The following RBFOX1 variants were observed in gnomAD, a reference collection of about 807,000 sequenced individuals.
RBFOX1 encodes RNA binding protein fox-1 homolog 1.
A neutral mutation model predicts 57.7 loss-of-function variants in RBFOX1; 8 were observed. The observed-to-expected ratio is 0.14, with a 90% CI of 0.08 to 0.25. The LOEUF is 0.25. RBFOX1 is among the 10% of genes least tolerant of loss of function. RBFOX1 has a pLI of 1.00. For missense variants in RBFOX1, 611 were observed against 548.5 expected (o/e 1.11, Z -1.14); for synonymous variants, 326 against 222.4 (o/e 1.47, Z -4.15).
intron 1 of RBFOX1, among the ~76,000 whole-genome samples, chr16:5,376,617 C>T (rs995244809): frequency 1.3e-5 from 2 of 152,092 alleles, no homozygotes; most frequent in African/African-American, 4.8e-5. Context: ...GGATGAGGAG[C>T]TCTAAGACGC....
chr16:6,736,145 A>G (rs142658982), intron 3 of RBFOX1, among the ~76,000 whole-genome samples: 421 of 152,252 alleles, frequency 2.8e-3, no homozygotes, highest in African/African-American at 9.4e-3. Context: ...TGTTGTTACC[A>G]TGGAAAACCA....
intron 4 of RBFOX1, among the ~76,000 whole-genome samples, chr16:7,080,059 T>G (rs190070708): frequency 0.012 from 1,578 of 135,236 alleles, 14 homozygotes; most frequent in Non-Finnish European, 0.018. Flanking sequence ...TATATACATA[T>G]TATATATATA....
Position 5,466,476 on chromosome 16 carries a change from C to T in RBFOX1, c.220-740C>T, listed in dbSNP as rs527440172. ...AGAGGGGGTATTTCAACTCCTGGGGCCCTGAAATCAGAGAGTACTCACAGA... is the reference window on the plus strand; with the variant it reads ...AGAGGGGGTATTTCAACTCCTGGGGTCCTGAAATCAGAGAGTACTCACAGA... On this transcript the variant is annotated intron_variant, in intron 1 of 2. Transcript: ENST00000585867. Among the ~76,000 whole-genome samples, 3 of 152,182 alleles carry T rather than the reference C, an allele frequency of 2.0e-5. No individual in the cohort carries two copies. In the East Asian group the frequency reaches 5.8e-4, roughly 29 times the overall value.
intron 1 of RBFOX1, among the ~76,000 whole-genome samples, chr16:6,210,545 T>C (rs1217793093): frequency 1.3e-5 from 2 of 151,466 alleles, no homozygotes; most frequent in East Asian, 3.9e-4. Flanking sequence ...GGCTGGGTAA[T>C]GTAGCGAGAC....
chr16:6,427,433 AT>A (rs1364519944), intron 2 of RBFOX1, among the ~76,000 whole-genome samples: 1 of 152,204 alleles, frequency 6.6e-6, no homozygotes, highest in Non-Finnish European at 1.5e-5. Context: ...GCATGGCCTC[AT>A]TTGGAATATT....
chr16:6,350,505 T>G (rs2152843890), intron 2 of RBFOX1, among the ~76,000 whole-genome samples: 1 of 132,028 alleles, frequency 7.6e-6, no homozygotes, highest in Non-Finnish European at 1.6e-5. Flanking sequence ...AAAAACAGTG[T>G]TCTCTAGAAT....
At chr16:6,538,561 A>G (rs966817951) in intron 2 of RBFOX1, among the ~76,000 whole-genome samples, 1 of 152,206 alleles carries the variant, frequency 6.6e-6, no homozygotes, top group Admixed American at 6.5e-5. Context: ...TAGGATGACA[A>G]GTAATAATAA....
chr16:5,746,014 A>G (rs897833256), intron 3 of RBFOX1, among the ~76,000 whole-genome samples: 6 of 152,180 alleles, frequency 3.9e-5, no homozygotes, highest in African/African-American at 1.4e-4. Context: ...GTCCTTGCCC[A>G]TGCCTGTGTC....
At chr16:6,719,731 C>T (rs1210987199) in intron 3 of RBFOX1, among the ~76,000 whole-genome samples, 1 of 151,984 alleles carries the variant, frequency 6.6e-6, no homozygotes, top group Non-Finnish European at 1.5e-5. Flanking sequence ...CAGGCGTGAG[C>T]CACCGCACTT....
chr16:6,515,462 C>T (rs2096357172), intron 2 of RBFOX1, among the ~76,000 whole-genome samples: 3 of 152,198 alleles, frequency 2.0e-5, no homozygotes, highest in Admixed American at 6.5e-5. Flanking sequence ...GAATCTAAGA[C>T]ATAACTAATA....
chr16:6,955,080 A>AG (rs1555675158), intron 3 of RBFOX1, among the ~76,000 whole-genome samples: 1 of 114,028 alleles, frequency 8.8e-6, no homozygotes, highest in African/African-American at 2.8e-5. Flanking sequence ...AAAAAAAAAA[A>AG]CACACAAAAA....
chr16:7,267,522 T>C (rs1477129314), intron 4 of RBFOX1, among the ~76,000 whole-genome samples: 1 of 151,704 alleles, frequency 6.6e-6, no homozygotes, highest in Non-Finnish European at 1.5e-5. Context: ...GGCAACAGAG[T>C]GAGACTCTAT....
In RBFOX1 at chr16:5,699,285, T is replaced by A. The variant is rs542488924; in HGVS notation, c.318+100324T>A. ...TTTCTATGCAGTTATATCACCTCAG[T>A]CTTTTAAAAAGTAAATTGAAGTATT... On this transcript the variant is annotated intron_variant, in intron 3 of 19. Coordinates refer to the RBFOX1 transcript ENST00000641259. 3.9e-5 allele frequency among the ~76,000 whole-genome samples: 6 copies of A among 152,184 alleles called. No individual in the cohort carries two copies. The South Asian group carries it at 1.0e-3, about 26-fold the overall frequency.
intron 3 of RBFOX1, among the ~76,000 whole-genome samples, chr16:6,941,060 G>A (rs1035069963): frequency 6.6e-6 from 1 of 152,062 alleles, no homozygotes; most frequent in Admixed American, 6.6e-5. Context: ...GTGTACGTAA[G>A]TGTGGAGGGA....
chr16:6,614,790 A>G (rs748246718), intron 2 of RBFOX1, among the ~76,000 whole-genome samples: 1 of 151,562 alleles, frequency 6.6e-6, no homozygotes, highest in Non-Finnish European at 1.5e-5. Flanking sequence ...ATTTATGAGG[A>G]CATCAGTCAT....
intron 3 of RBFOX1, among the ~76,000 whole-genome samples, chr16:5,855,976 C>CTTTTTTTTTTTTTTTT (rs1160702604): frequency 6.6e-4 from 51 of 77,650 alleles, no homozygotes; most frequent in Non-Finnish European, 9.0e-4. Flanking sequence ...GTATGTTATT[C>CTTTTTTTTTTTTTTTT]TTTTTTTTTT....
intron 3 of RBFOX1, among the ~76,000 whole-genome samples, chr16:6,909,263 C>A (rs2070912133): frequency 6.6e-6 from 1 of 152,130 alleles, no homozygotes. Context: ...ATCTTCAAAG[C>A]CAGCATTGTG....
chr16:6,900,972 T>G (rs1337819938), intron 3 of RBFOX1, among the ~76,000 whole-genome samples: 1 of 152,168 alleles, frequency 6.6e-6, no homozygotes, highest in African/African-American at 2.4e-5. Context: ...TTTAAGATGT[T>G]CCCATAACGT....
At chr16:7,250,081 G>A (rs574098830) in intron 4 of RBFOX1, among the ~76,000 whole-genome samples, 10 of 152,106 alleles carry the variant, frequency 6.6e-5, no homozygotes, top group African/African-American at 2.4e-4. Flanking sequence ...TTTTCCCATA[G>A]GGTTTTGAAC....
Sources: allele counts gnomAD v4.1 joint callset (sites outside exome capture counted in the v4.1 genomes callset), GRCh38; gene constraint gnomAD v4.1.1; transcripts MANE v1.5; gene names NCBI Gene and HGNC (gene_info 2026-07-23, HGNC 2026-07-21).